The following CD8B variants were observed in gnomAD, a reference collection of about 807,000 sequenced individuals.
CD8B encodes T-cell surface glycoprotein CD8 beta chain.
In CD8B, 6 loss-of-function variants were observed where a neutral mutation model predicts 24.2. The observed-to-expected ratio is 0.25, with a 90% CI of 0.14 to 0.49. CD8B has a LOEUF of 0.49. Ranked by LOEUF, CD8B falls within the 20% of genes least tolerant of loss-of-function variation. The pLI, the probability that CD8B is intolerant of heterozygous loss-of-function variation, is 0.98. For synonymous variants in CD8B, 84 were observed against 108.3 expected (o/e 0.78, Z 1.39); for missense variants, 196 against 271.3 (o/e 0.72, Z 1.95).
At chr2:86,861,215 G>T (rs1676568549) in intron 1 of CD8B, among the ~76,000 whole-genome samples, 1 of 152,170 alleles carries the variant, frequency 6.6e-6, no homozygotes, top group South Asian at 2.1e-4. Flanking sequence ...GGCTTATTCA[G>T]AAGGACAATC....
At position 86,830,565 on chromosome 2, in the gene CD8B, T is replaced by C. The variant is rs559702192; in HGVS notation, c.620+14357A>G. Among the ~76,000 whole-genome samples, 940 of 149,388 alleles carry C rather than the reference T, an allele frequency of 6.3e-3. 3 individuals carry two copies. The highest frequency in any genetic ancestry group is 0.011 in the Non-Finnish European group (716 of 67,538). On this transcript the variant is annotated intron_variant, in intron 5 of 5. Coordinates refer to the CD8B transcript ENST00000331469. ...CTAGGGGACAGAGTGAGACTCTGTCTCCAAAAAAAAAAAATTATTATTATT... is the reference window on the plus strand; with the variant it reads ...CTAGGGGACAGAGTGAGACTCTGTCCCCAAAAAAAAAAAATTATTATTATT...
chr2:86,856,568 C>T (rs944928393), intron 2 of CD8B, among the ~76,000 whole-genome samples: 11 of 151,974 alleles, frequency 7.2e-5, no homozygotes, highest in African/African-American at 2.2e-4. Context: ...CACTTCCTCA[C>T]GCTGAGTGGT....
chr2:86,827,249 A>T (rs185608803), intron 5 of CD8B, among the ~76,000 whole-genome samples: 1,695 of 133,412 alleles, frequency 0.013, 37 homozygotes, highest in African/African-American at 0.045. Context: ...CTTTTGAGTT[A>T]AAAAAAAAAA....
At chr2:86,843,567 A>G (rs1385920460) in intron 5 of CD8B, 2 of 983,422 alleles carry the variant, frequency 2.0e-6, no homozygotes, top group African/African-American at 3.5e-5. Flanking sequence ...CACTCTCGAT[A>G]TAAATATAAT....
At chr2:86,851,825 G>T (rs1675989788) in intron 3 of CD8B, among the ~76,000 whole-genome samples, 2 of 152,194 alleles carry the variant, frequency 1.3e-5, no homozygotes. Flanking sequence ...GCATGGGCAT[G>T]TGTGTCTGTG....
At chr2:86,861,371 C>A (rs532652102) in intron 1 of CD8B, among the ~76,000 whole-genome samples, 2 of 152,068 alleles carry the variant, frequency 1.3e-5, no homozygotes, top group African/African-American at 4.8e-5. Context: ...ACTGAGAACG[C>A]CCGATGTTTG....
intron 3 of CD8B, among the ~76,000 whole-genome samples, chr2:86,852,205 G>A (rs1409864748): frequency 2.6e-5 from 4 of 152,298 alleles, no homozygotes; most frequent in East Asian, 1.9e-4. Flanking sequence ...AGCTCAAGGC[G>A]ATCCACCCAT....
intron 1 of CD8B, among the ~76,000 whole-genome samples, chr2:86,859,186 G>A (rs1272934184): frequency 2.0e-5 from 3 of 151,998 alleles, no homozygotes; most frequent in Non-Finnish European, 4.4e-5. Flanking sequence ...TTGCTGGACA[G>A]ACCCTGGTAG....
At chr2:86,835,082 G>A (rs1675123355), downstream of CD8B, among the ~76,000 whole-genome samples, 2 of 152,170 alleles carry the variant, frequency 1.3e-5, no homozygotes, top group African/African-American at 2.4e-5. Context: ...CCACTGATAA[G>A]CTCCTTTCTG....
At chr2:86,836,331 G>A (rs1308669561), downstream of CD8B, among the ~76,000 whole-genome samples, 2 of 152,162 alleles carry the variant, frequency 1.3e-5, no homozygotes, top group Non-Finnish European at 2.9e-5. Flanking sequence ...CTCGGCCCTG[G>A]GCTACTAGGG....
Position 86,817,591 on chromosome 2 carries a change from G to A in CD8B, c.621-1873C>T, listed in dbSNP as rs187138518. Among the ~76,000 whole-genome samples the A allele has an allele frequency of 1.4e-3, 207 of 152,118 alleles. 2 individuals carry two copies. In the East Asian group the frequency reaches 0.033, roughly 25 times the overall value. On this transcript the variant is annotated intron_variant, in intron 5 of 5. Coordinates refer to the CD8B transcript ENST00000331469. ...CATGCCATATATTATTCATTATTAT[G>A]TCATTGTTTATAGATACTTACATAA...
At chr2:86,855,689 C>T (rs1676202267) in intron 2 of CD8B, among the ~76,000 whole-genome samples, 1 of 152,188 alleles carries the variant, frequency 6.6e-6, no homozygotes, top group African/African-American at 2.4e-5. Context: ...CGAGCCTGGC[C>T]CTCTCCTGGG....
intron 3 of CD8B, among the ~76,000 whole-genome samples, chr2:86,852,333 G>A (rs1676016738): frequency 6.6e-6 from 1 of 152,206 alleles, no homozygotes; most frequent in Admixed American, 6.5e-5. Context: ...GCTTTATTGA[G>A]TTATAATTTA....
intron 5 of CD8B, among the ~76,000 whole-genome samples, chr2:86,829,858 T>C (rs72847709): frequency 0.06 from 8,087 of 134,708 alleles, 293 homozygotes; most frequent in Non-Finnish European, 0.089. Flanking sequence ...ACATGTTTCT[T>C]ACACACAGAT....
intron 5 of CD8B, 59 bp downstream of exon 5, chr2:86,844,863 G>T: frequency 6.4e-7 from 1 of 1,554,530 alleles, no homozygotes; most frequent in Non-Finnish European, 8.7e-7. Context: ...TGCAGTTAGA[G>T]GCTGCAAGCT....
intron 5 of CD8B, among the ~76,000 whole-genome samples, chr2:86,825,855 T>G (rs1179064741): frequency 6.6e-6 from 1 of 152,188 alleles, no homozygotes; most frequent in African/African-American, 2.4e-5. Context: ...TTGTCCTACC[T>G]GACTGTAACA....
intron 5 of CD8B, among the ~76,000 whole-genome samples, chr2:86,827,663 G>C (rs2104508844): frequency 6.6e-6 from 1 of 152,168 alleles, no homozygotes; most frequent in African/African-American, 2.4e-5. Context: ...ATATGGGGCA[G>C]GGTTGCTGTA....
downstream of CD8B, among the ~76,000 whole-genome samples, chr2:86,833,195 CTTTTT>C (rs878931885): frequency 7.2e-6 from 1 of 138,080 alleles, no homozygotes; most frequent in East Asian, 2.1e-4. Context: ...GTTAATCTGT[CTTTTT>C]TTTTTTTTTT....
rs144741532 is a variant in CD8B, at chr2:86,860,378, A to G, written c.43+1445T>C. On this transcript the variant is annotated intron_variant, in intron 1 of 5. Transcript: ENST00000390655. ...TTCCTCTTGTTTCCCCAAACACCAC[A>G]CTGCGGTTCCAGCAGAGCAGAGGTT... Among the ~76,000 whole-genome samples, 390 of 152,246 alleles carry G rather than the reference A, an allele frequency of 2.6e-3. 2 individuals carry two copies. The highest frequency in any genetic ancestry group is 9.0e-3 in the African/African-American group (376 of 41,550).
Sources: gnomAD v4.1 joint callset for allele counts (sites outside exome capture counted in the v4.1 genomes callset) on GRCh38, gnomAD v4.1.1 for gene constraint, MANE v1.5 for transcripts, NCBI Gene and HGNC (gene_info 2026-07-23, HGNC 2026-07-21) for gene names.